Variants in SLC37A1 observed in about 807,000 individuals in gnomAD.
The protein encoded by SLC37A1 is glucose-6-phosphate exchanger SLC37A1.
Under a neutral mutation model 75.3 loss-of-function variants are expected in SLC37A1, and 49 were observed. The ratio of observed to expected loss-of-function variants is 0.65; its 90% confidence interval spans 0.52 to 0.83. The LOEUF is 0.83. Among genes scored for constraint, SLC37A1 ranks in the 40% least tolerant of loss-of-function variants. The pLI is 0.00. For synonymous variants in SLC37A1, 268 were observed against 292.1 expected (o/e 0.92, Z 0.84); for missense variants, 566 against 695.0 (o/e 0.81, Z 2.09).
At chr21:42,577,905 G>A (rs535805833) in intron 18 of SLC37A1, among the ~76,000 whole-genome samples, 14 of 152,328 alleles carry the variant, frequency 9.2e-5, no homozygotes, top group African/African-American at 2.6e-4. Context: ...GATTTGCTGC[G>A]TTGGAAGAAA....
intron 1 of SLC37A1, among the ~76,000 whole-genome samples, chr21:42,501,247 G>GT (rs1262487796): frequency 6.6e-6 from 1 of 152,136 alleles, no homozygotes; most frequent in Admixed American, 6.5e-5. Context: ...TCTTTTTCTT[G>GT]TTTTTTTATT....
rs895100257 is a variant in SLC37A1 at position 42,557,531 on chromosome 21, C to T, written c.850-1427C>T. On this transcript the variant is annotated intron_variant, in intron 10 of 19. Transcript: ENST00000352133. ...GCCTTGTCATCTTCATTCCAGAGCA[C>T]CTGACTATGTGGCCACATGTGAATA... 1.1e-4 allele frequency among the ~76,000 whole-genome samples: 16 copies of T among 152,272 alleles called. 1 individual carries two copies. Among genetic ancestry groups the T allele is most frequent in the African/African-American group, 2.9e-4 (12 of 41,472 alleles).
chr21:42,572,349 T>C (rs892931745), intron 17 of SLC37A1, among the ~76,000 whole-genome samples: 1 of 152,132 alleles, frequency 6.6e-6, no homozygotes, highest in African/African-American at 2.4e-5. Context: ...TTAGGGGAAT[T>C]GGGCCCCTGT....
chr21:42,534,719 A>C lies in SLC37A1; in HGVS notation c.160A>C (p.Thr54Pro), dbSNP rs1307558207. 1 of 1,613,914 alleles carries C rather than the reference A, an allele frequency of 6.2e-7. No individual in the cohort carries two copies. Among genetic ancestry groups the C allele is most frequent in the East Asian group, 2.2e-5 (1 of 44,860 alleles). ...IVKGELHKYC[T>P]AWDEADVRFS... ...CCAGGGTGAGCTCCACAAGTACTGCACTGCTTGGGATGAAGCTGACGTCAG... is the reference window on the plus strand; with the variant it reads ...CCAGGGTGAGCTCCACAAGTACTGCCCTGCTTGGGATGAAGCTGACGTCAG... The change falls in exon 4 of 20, where the codon ACT (threonine) becomes CCT (proline). Residue 54 changes from threonine (T) to proline (P), a missense_variant. Transcript: ENST00000352133.
chr21:42,534,825 C>T lies in SLC37A1; in HGVS notation c.266C>T (p.Pro89Leu), dbSNP rs149214940. The change falls in exon 4 of 20, where the codon CCG (proline) becomes CTG (leucine). Residue 89 changes from proline to leucine, a missense_variant. By Grantham distance (98) the Pro-to-Leu change is moderately conservative. Coordinates refer to ENST00000352133, the MANE Select transcript of SLC37A1 (RefSeq NM_001320537.2). ...PDNETDCGWA[P>L]FDKNNYQQLL... ...AATGAGACCGACTGTGGCTGGGCACCGTTTGGTAAGTCGATTATCGGTCCG... is the reference window on the plus strand; with the variant it reads ...AATGAGACCGACTGTGGCTGGGCACTGTTTGGTAAGTCGATTATCGGTCCG... 5 of 1,613,360 alleles carry T rather than the reference C, an allele frequency of 3.1e-6. No individual in the cohort carries two copies. The highest frequency in any genetic ancestry group is 2.7e-5 in the African/African-American group (2 of 74,924).
chr21:42,534,180 C>T (rs1326185775), intron 3 of SLC37A1, among the ~76,000 whole-genome samples: 1 of 152,190 alleles, frequency 6.6e-6, no homozygotes, highest in Non-Finnish European at 1.5e-5. Context: ...GCTTGGACTT[C>T]CTATGAGTGG....
upstream of SLC37A1, among the ~76,000 whole-genome samples, chr21:42,510,091 G>A (rs1259909222): frequency 1.3e-5 from 2 of 152,182 alleles, no homozygotes; most frequent in Admixed American, 6.5e-5. Flanking sequence ...GCAGTGATGC[G>A]ATCTCAGCTC....
chr21:42,500,940 A>G (rs1371730282), intron 1 of SLC37A1, among the ~76,000 whole-genome samples: 1 of 152,248 alleles, frequency 6.6e-6, no homozygotes, highest in African/African-American at 2.4e-5. Context: ...ATTGAAACAC[A>G]GTTGTCAAGA....
At chr21:42,525,676 A>G (rs1026637258) in intron 2 of SLC37A1, 100 bp from the exon 3 acceptor site, 2 of 788,270 alleles carry the variant, frequency 2.5e-6, no homozygotes, top group Non-Finnish European at 4.3e-6. Flanking sequence ...AACTGAATGA[A>G]TAATACACAG....
chr21:42,525,620 T>A (rs573928882), intron 2 of SLC37A1, among the ~76,000 whole-genome samples, 156 bp from the exon 3 acceptor site: 15 of 152,384 alleles, frequency 9.8e-5, no homozygotes, highest in African/African-American at 3.6e-4. Flanking sequence ...TATTTTTTAA[T>A]GTTCCAATAT....
intron 6 of SLC37A1, among the ~76,000 whole-genome samples, chr21:42,540,198 A>C (rs1193533855): frequency 6.6e-6 from 1 of 152,234 alleles, no homozygotes; most frequent in Non-Finnish European, 1.5e-5. Flanking sequence ...GTCGCAACAC[A>C]CAGCGGGACA....
intron 5 of SLC37A1, among the ~76,000 whole-genome samples, chr21:42,537,265 C>T (rs2055165060): frequency 6.6e-6 from 1 of 152,194 alleles, no homozygotes; most frequent in African/African-American, 2.4e-5. Flanking sequence ...GTGTGGTGTG[C>T]AGCAGACCAG....
chr21:42,578,228 G>A (rs533770084), intron 18 of SLC37A1, among the ~76,000 whole-genome samples: 24 of 152,308 alleles, frequency 1.6e-4, no homozygotes, highest in Non-Finnish European at 1.5e-4. Context: ...ACTGCCTGGC[G>A]CACGACCGAA....
Position 42,580,672 on chromosome 21 carries a change from G to C in SLC37A1, c.*312G>C. ...ACCCAAATGCACGCGTGACAACAAGGCCGGGAGGGTGGGGGGGGTGCACAG... is the reference window on the plus strand; with the variant it reads ...ACCCAAATGCACGCGTGACAACAAGCCCGGGAGGGTGGGGGGGGTGCACAG... On this transcript the variant is annotated 3_prime_UTR_variant, in exon 20 of 20. Coordinates refer to ENST00000352133, the MANE Select transcript of SLC37A1 (RefSeq NM_001320537.2). 2.7e-6 allele frequency: 1 copy of C among 369,128 alleles called. No individual in the cohort carries two copies. Among genetic ancestry groups the C allele is most frequent in the Non-Finnish European group, 4.9e-6 (1 of 205,160 alleles). The allele number at this position is 369,128 out of a possible 1,614,324, so 22.9% of individuals were successfully genotyped here.
chr21:42,518,011 T>C (rs2054555100), intron 1 of SLC37A1, among the ~76,000 whole-genome samples: 1 of 152,180 alleles, frequency 6.6e-6, no homozygotes, highest in Non-Finnish European at 1.5e-5. Context: ...AGAGATGAGT[T>C]CCTTGGTTCC....
rs1234341635 is a variant in SLC37A1, at chr21:42,543,668, C to G, written c.730+66C>G. 3 of 1,497,662 alleles carry G rather than the reference C, an allele frequency of 2.0e-6. No individual in the cohort carries two copies. In the East Asian group the frequency reaches 6.9e-5, roughly 35 times the overall value. The allele number at this position is 1,497,662 out of a possible 1,614,324, so 92.8% of individuals were successfully genotyped here. ...CCTCGGATTTCCCTGCCTGGGTGGG[C>G]CTTGGGGGCGAGTGTGAGAGCTGCG... On this transcript the variant is annotated intron_variant, in intron 8 of 19. Coordinates refer to ENST00000352133, the MANE Select transcript of SLC37A1 (RefSeq NM_001320537.2).
chr21:42,525,138 G>A (rs912547442), intron 2 of SLC37A1, among the ~76,000 whole-genome samples: 1 of 152,224 alleles, frequency 6.6e-6, no homozygotes, highest in Admixed American at 6.5e-5. Context: ...CAGCAGCTCC[G>A]AGCTCCCTGC....
intron 2 of SLC37A1, among the ~76,000 whole-genome samples, chr21:42,522,671 T>C (rs887066493): frequency 4.6e-5 from 7 of 152,188 alleles, no homozygotes; most frequent in African/African-American, 1.7e-4. Context: ...AAATACAGCG[T>C]TTTCCTCTTC....
intron 1 of SLC37A1, among the ~76,000 whole-genome samples, chr21:42,516,376 T>C (rs1035945673): frequency 4.6e-5 from 7 of 152,106 alleles, no homozygotes; most frequent in Non-Finnish European, 1.0e-4. Context: ...TTTTCTCCCT[T>C]GTGAAAAGAA....
Sources: gnomAD v4.1 joint callset for allele counts (sites outside exome capture counted in the v4.1 genomes callset) on GRCh38, gnomAD v4.1.1 for gene constraint, MANE v1.5 for transcripts, NCBI Gene and HGNC (gene_info 2026-07-23, HGNC 2026-07-21) for gene names.